The following MARCHF4 variants were observed in gnomAD, a reference collection of about 807,000 sequenced individuals.
MARCHF4 encodes the protein E3 ubiquitin-protein ligase MARCHF4.
In MARCHF4, 14 loss-of-function variants were observed where a neutral mutation model predicts 43.9. That is an observed-to-expected ratio of 0.32 (90% CI 0.21 to 0.50). The LOEUF is 0.50. Among genes scored for constraint, MARCHF4 ranks in the 20% least tolerant of loss-of-function variants. The probability of loss-of-function intolerance (pLI) is 0.98; values close to 1 mark genes in which losing one functional copy is unlikely to be tolerated. For synonymous variants in MARCHF4, 226 were observed against 213.3 expected (o/e 1.06, Z -0.52); for missense variants, 468 against 536.7 (o/e 0.87, Z 1.27).
intron 1 of MARCHF4, among the ~76,000 whole-genome samples, chr2:216,356,532 T>A (rs563583081): frequency 1.3e-5 from 2 of 152,352 alleles, no homozygotes; most frequent in East Asian, 3.9e-4. Context: ...GAGGATTTAA[T>A]TGATTTGCCT....
chr2:216,289,950 G>C (rs994947341), intron 1 of MARCHF4, among the ~76,000 whole-genome samples: 2 of 152,080 alleles, frequency 1.3e-5, no homozygotes, highest in Non-Finnish European at 2.9e-5. Flanking sequence ...TGTGACCCTG[G>C]GCAAGTTGCT....
intron 1 of MARCHF4, among the ~76,000 whole-genome samples, chr2:216,354,565 G>A (rs1254554299): frequency 6.6e-6 from 1 of 152,146 alleles, no homozygotes; most frequent in East Asian, 1.9e-4. Flanking sequence ...TCTTATCTCT[G>A]CACTCCTGGG....
At chr2:216,323,737 C>G (rs1691943057) in intron 1 of MARCHF4, among the ~76,000 whole-genome samples, 1 of 152,030 alleles carries the variant, frequency 6.6e-6, no homozygotes, top group Non-Finnish European at 1.5e-5. Flanking sequence ...GAAATAAAGG[C>G]AGAAATAAAG....
In MARCHF4 at chr2:216,277,782, A is replaced by C. The variant is rs1403347205; in HGVS notation, c.755T>G (p.Ile252Ser). The change falls in exon 3 of 4, where the codon ATT becomes AGT. Residue 252 changes from isoleucine to serine, a missense_variant. Transcript: ENST00000273067. ...ILGSLFLIAS[I>S]SWLIWSTFSP... ...GAAAGTTGACCAGATGAGCCAAGAA[A>C]TACTGGCGATGAGGAAGAGGGAGCC... 1 of 1,614,206 alleles carries C rather than the reference A, an allele frequency of 6.2e-7. No individual in the cohort carries two copies. Among genetic ancestry groups the C allele is most frequent in the Non-Finnish European group, 8.5e-7 (1 of 1,180,036 alleles).
intron 1 of MARCHF4, among the ~76,000 whole-genome samples, chr2:216,329,854 A>T (rs1053942563): frequency 6.6e-6 from 1 of 151,834 alleles, no homozygotes; most frequent in African/African-American, 2.4e-5. Flanking sequence ...TGGGAAGCCA[A>T]GGTGGGAGGA....
intron 3 of MARCHF4, 45 bp from the exon 4 acceptor site, chr2:216,259,724 G>T: frequency 1.9e-6 from 3 of 1,549,034 alleles, no homozygotes; most frequent in Admixed American, 1.7e-5. Context: ...ATGAGAGGAA[G>T]TGGGTCACGG....
At chr2:216,313,953 A>G (rs74355681) in intron 1 of MARCHF4, among the ~76,000 whole-genome samples, 1,597 of 152,278 alleles carry the variant, frequency 0.01, 34 homozygotes, top group African/African-American at 0.037. Flanking sequence ...GAGAGAAGAG[A>G]CAGTGGGGCT....
intron 1 of MARCHF4, among the ~76,000 whole-genome samples, chr2:216,338,172 T>A (rs899739031): frequency 1.3e-5 from 2 of 152,122 alleles, no homozygotes; most frequent in Non-Finnish European, 2.9e-5. Flanking sequence ...ATACCAAGCA[T>A]CCTCTCCCCT....
At chr2:216,325,758 T>C (rs1691979586) in intron 1 of MARCHF4, among the ~76,000 whole-genome samples, 1 of 150,334 alleles carries the variant, frequency 6.7e-6, no homozygotes, top group Non-Finnish European at 1.5e-5. Context: ...GCTAGCCACA[T>C]GTAGAAAGCT....
intron 1 of MARCHF4, among the ~76,000 whole-genome samples, chr2:216,309,927 G>A (rs1034155994): frequency 6.6e-6 from 1 of 152,060 alleles, no homozygotes; most frequent in African/African-American, 2.4e-5. Flanking sequence ...TGATTCCGAA[G>A]CCCAATCCCA....
chr2:216,335,934 G>A (rs759084258), intron 1 of MARCHF4, among the ~76,000 whole-genome samples: 2 of 151,822 alleles, frequency 1.3e-5, no homozygotes, highest in African/African-American at 2.4e-5. Context: ...TGGGCATGGT[G>A]GCACAAACCT....
intron 1 of MARCHF4, among the ~76,000 whole-genome samples, chr2:216,346,529 C>T (rs115006826): frequency 1.1e-4 from 16 of 152,196 alleles, no homozygotes; most frequent in African/African-American, 3.4e-4. Context: ...GTGGAGTGAG[C>T]GCTGTGATCA....
chr2:216,289,918 A>G (rs1191423306), intron 1 of MARCHF4, among the ~76,000 whole-genome samples: 2 of 152,202 alleles, frequency 1.3e-5, no homozygotes, highest in African/African-American at 4.8e-5. Context: ...AGACTTGGGT[A>G]TATCCAAGCT....
rs1046465208 is a variant in MARCHF4 at position 216,259,221 on chromosome 2, C to T, written c.*91G>A. Reference sequence around the variant, plus strand: ...CCAGGTCCCCCACCCTCTGCCTGCTCCCTCTGTTGGCTCTGGGGGTGCCAC... The same window carrying T: ...CCAGGTCCCCCACCCTCTGCCTGCTTCCTCTGTTGGCTCTGGGGGTGCCAC... On this transcript the variant is annotated 3_prime_UTR_variant, in exon 4 of 4. Coordinates refer to ENST00000273067, the MANE Select transcript of MARCHF4 (RefSeq NM_020814.3). 6.7e-7 allele frequency: 1 copy of T among 1,486,460 alleles called. No homozygotes were observed. The highest frequency in any genetic ancestry group is 8.9e-7 in the Non-Finnish European group (1 of 1,122,606). The allele number at this position is 1,486,460 out of a possible 1,614,324, so 92.1% of individuals were successfully genotyped here.
intron 1 of MARCHF4, among the ~76,000 whole-genome samples, chr2:216,328,347 A>G (rs1692029017): frequency 6.6e-6 from 1 of 152,154 alleles, no homozygotes. Context: ...TTTTTGTTTT[A>G]GTAGAGACGG....
chr2:216,334,418 T>C (rs1453473423), intron 1 of MARCHF4, among the ~76,000 whole-genome samples: 1 of 152,168 alleles, frequency 6.6e-6, no homozygotes, highest in Non-Finnish European at 1.5e-5. Flanking sequence ...AACATCTTTT[T>C]TTTTTGGGGT....
At chr2:216,320,252 C>G (rs1691858153) in intron 1 of MARCHF4, among the ~76,000 whole-genome samples, 1 of 152,174 alleles carries the variant, frequency 6.6e-6, no homozygotes, top group Non-Finnish European at 1.5e-5. Flanking sequence ...TGTATTAACT[C>G]TTTTTGACCC....
At chr2:216,357,257 A>G (rs1692516954) in intron 1 of MARCHF4, among the ~76,000 whole-genome samples, 3 of 152,280 alleles carry the variant, frequency 2.0e-5, no homozygotes, top group Non-Finnish European at 4.4e-5. Context: ...TTTAATTGTT[A>G]TATCACCTTA....
chr2:216,290,350 C>A (rs1275754009), intron 1 of MARCHF4, among the ~76,000 whole-genome samples: 2 of 152,072 alleles, frequency 1.3e-5, no homozygotes, highest in Non-Finnish European at 2.9e-5. Context: ...GGCCCTGAGG[C>A]AGAAACATGC....
Sources: allele counts gnomAD v4.1 joint callset (sites outside exome capture counted in the v4.1 genomes callset), GRCh38; gene constraint gnomAD v4.1.1; transcripts MANE v1.5; gene names NCBI Gene and HGNC (gene_info 2026-07-23, HGNC 2026-07-21).